Variants in MID1 observed in about 807,000 individuals in gnomAD.
The protein encoded by MID1 is midline 1, also known as E3 ubiquitin-protein ligase Midline-1.
A neutral mutation model predicts 40.4 loss-of-function variants in MID1; 7 were observed. The ratio of observed to expected loss-of-function variants is 0.17; its 90% CI spans 0.10 to 0.33. The LOEUF (loss-of-function observed/expected upper bound fraction) is 0.33, where lower values mean the gene tolerates loss of function less well. MID1 is among the 10% of genes least tolerant of loss of function. The pLI, the probability that MID1 is intolerant of heterozygous loss-of-function variation, is 1.00. For missense variants in MID1, 367 were observed against 558.5 expected, an observed-to-expected ratio of 0.66 and a Z score of 3.46; for synonymous variants, 229 against 221.2, an observed-to-expected ratio of 1.04 and a Z score of -0.31.
rs61274248 is a variant in MID1 at position 10,799,012 on chromosome X, T to C, written c.-187+34542A>G. Among the ~76,000 whole-genome samples, 1,072 of 111,632 alleles carry C rather than the reference T, an allele frequency of 9.6e-3. 11 individuals are homozygous for C. Among genetic ancestry groups the C allele is most frequent in the African/African-American group, 0.033 (1,002 of 30,691 alleles). On this transcript the variant is annotated intron_variant, in intron 1 of 10. Transcript: ENST00000380785. ...TGACTGTCATTGGAATTTTTATGTA[T>C]AGAGTAAATTCTTATTATGTCTAGT...
chrX:10,532,992 G>A (rs1002821017), intron 2 of MID1, among the ~76,000 whole-genome samples: 73 of 110,068 alleles, frequency 6.6e-4, no homozygotes, highest in African/African-American at 2.3e-3. Flanking sequence ...GGCTGGTCTC[G>A]AATTCCCAAC....
At chrX:10,516,560 T>TTGTGTGTGTGTGTGTG (rs57101806) in intron 3 of MID1, among the ~76,000 whole-genome samples, 5 of 73,365 alleles carry the variant, frequency 6.8e-5, no homozygotes, top group African/African-American at 2.3e-4. Context: ...TACTCTGCTC[T>TTGTGTGTGTGTGTGTG]TGTGTGTGTG....
intron 1 of MID1, among the ~76,000 whole-genome samples, chrX:10,633,194 G>A (rs1386331068): frequency 8.9e-6 from 1 of 111,808 alleles, no homozygotes; most frequent in Non-Finnish European, 1.9e-5. Context: ...TGAAGAAGGT[G>A]CCCCCTGTAC....
chrX:10,714,077 T>C (rs1294589898), intron 1 of MID1, among the ~76,000 whole-genome samples: 3 of 112,184 alleles, frequency 2.7e-5, no homozygotes, highest in Non-Finnish European at 5.6e-5. Context: ...ACCTCTGCTT[T>C]AATCATCCAT....
At chrX:10,541,910 C>T (rs1933485110) in intron 2 of MID1, among the ~76,000 whole-genome samples, 1 of 111,861 alleles carries the variant, frequency 8.9e-6, no homozygotes, top group South Asian at 3.8e-4. Context: ...ACTGGATTTT[C>T]CAGGACTCTG....
intron 3 of MID1, among the ~76,000 whole-genome samples, chrX:10,502,658 G>A (rs1473838706): frequency 8.9e-6 from 1 of 111,870 alleles, no homozygotes; most frequent in Non-Finnish European, 1.9e-5. Flanking sequence ...TTACCAAGGA[G>A]TTGGGAGTTT....
chrX:10,594,586 A>C lies in MID1; in HGVS notation c.-57+25704T>G, dbSNP rs753016478. Among the ~76,000 whole-genome samples, 32 of 111,365 alleles carry C rather than the reference A, an allele frequency of 2.9e-4. No individual in the cohort carries two copies. In the Admixed American group the frequency reaches 3.0e-3, roughly 11 times the overall value. ...TGACATCCTTGGGTCAAGGGTATGGACAAGTAGCCCTGTGCCATATAGAAC... is the reference window on the plus strand; with the variant it reads ...TGACATCCTTGGGTCAAGGGTATGGCCAAGTAGCCCTGTGCCATATAGAAC... On this transcript the variant is annotated intron_variant, in intron 1 of 9. Coordinates refer to ENST00000317552, the MANE Select transcript of MID1 (RefSeq NM_000381.4).
chrX:10,465,366 G>T (rs1929331366), intron 7 of MID1, among the ~76,000 whole-genome samples: 2 of 107,131 alleles, frequency 1.9e-5, no homozygotes, highest in African/African-American at 3.4e-5. Flanking sequence ...CAACTCCCTG[G>T]TATTCATAAC....
intron 3 of MID1, among the ~76,000 whole-genome samples, chrX:10,514,505 T>C (rs1262473237): frequency 8.9e-6 from 1 of 112,318 alleles, no homozygotes; most frequent in Admixed American, 9.4e-5. Flanking sequence ...CATTCAAGTA[T>C]GTGTTAGATA....
chrX:10,790,449 G>A (rs1281997313), intron 1 of MID1, among the ~76,000 whole-genome samples: 2 of 110,496 alleles, frequency 1.8e-5, no homozygotes, highest in Non-Finnish European at 3.8e-5. Context: ...CAGCACCCTT[G>A]CTGCTTGGCT....
At chrX:10,793,851 G>A (rs922626784) in intron 1 of MID1, among the ~76,000 whole-genome samples, 1 of 111,797 alleles carries the variant, frequency 8.9e-6, no homozygotes, top group Non-Finnish European at 1.9e-5. Flanking sequence ...CTGTTCTAAA[G>A]TAGCCACAAT....
At chrX:10,461,091 T>TATATATATATATATATATATATATAC (rs1928999850) in intron 7 of MID1, among the ~76,000 whole-genome samples, 1 of 106,631 alleles carries the variant, frequency 9.4e-6, no homozygotes, top group African/African-American at 3.5e-5. Flanking sequence ...TAAATATATA[T>TATATATATATATATATATATATATAC]ATATATATAT....
chrX:10,507,593 G>A (rs1387802371), intron 3 of MID1, among the ~76,000 whole-genome samples: 2 of 112,261 alleles, frequency 1.8e-5, no homozygotes, highest in Non-Finnish European at 3.8e-5. Flanking sequence ...CTCTCTACAG[G>A]GGCATTTGTT....
intron 1 of MID1, among the ~76,000 whole-genome samples, chrX:10,659,867 C>T (rs2042899427): frequency 8.9e-6 from 1 of 111,944 alleles, no homozygotes; most frequent in South Asian, 3.8e-4. Flanking sequence ...TGTCACAGTA[C>T]ATGCACATGT....
At chrX:10,767,892 T>C (rs1569165763) in intron 1 of MID1, among the ~76,000 whole-genome samples, 1 of 112,128 alleles carries the variant, frequency 8.9e-6, no homozygotes, top group Non-Finnish European at 1.9e-5. Context: ...ATTGAATAAA[T>C]CAATGTATTT....
chrX:10,833,236 C>T (rs753171282), intron 1 of MID1, among the ~76,000 whole-genome samples: 2 of 112,180 alleles, frequency 1.8e-5, no homozygotes, highest in Non-Finnish European at 3.8e-5. Flanking sequence ...CCTCACAAAG[C>T]ACCCCAAGGC....
At chrX:10,609,412 T>TCA (rs745647553) in intron 1 of MID1, among the ~76,000 whole-genome samples, 95 of 112,018 alleles carry the variant, frequency 8.5e-4, no homozygotes, top group African/African-American at 3.0e-3. Context: ...AATACTCTGT[T>TCA]AAGTGCTTTA....
chrX:10,562,262 A>C lies in MID1; in HGVS notation c.660+4626T>G, dbSNP rs771980155. 6.8e-5 allele frequency among the ~76,000 whole-genome samples: 7 copies of C among 102,362 alleles called. 1 individual carries two copies. Among genetic ancestry groups the C allele is most frequent in the African/African-American group, 2.4e-4 (6 of 24,988 alleles). 88.9% of individuals were successfully genotyped at this position (102,362 alleles called of 115,157 possible). ...GGGGAGAGCATTAGGACAAATACCT[A>C]ATGCATGTGGGGTGTAAAACCTAGA... On this transcript the variant is annotated intron_variant, in intron 2 of 9. Transcript: ENST00000317552.
intron 1 of MID1, among the ~76,000 whole-genome samples, chrX:10,779,240 G>C (rs1382758331): frequency 8.9e-6 from 1 of 112,724 alleles, no homozygotes; most frequent in Middle Eastern, 4.6e-3. Context: ...GGCTAGAGTA[G>C]TGTGATCATG....
Sources: gnomAD v4.1 joint callset for allele counts (sites outside exome capture counted in the v4.1 genomes callset) on GRCh38, gnomAD v4.1.1 for gene constraint, MANE v1.5 for transcripts, NCBI Gene and HGNC (gene_info 2026-07-23, HGNC 2026-07-21) for gene names.